Variants in CFI observed in about 807,000 individuals in gnomAD.
CFI encodes the protein C3B/C4B inactivator.
In CFI, 66 loss-of-function variants were observed where a neutral mutation model predicts 78.8. The observed-to-expected ratio is 0.84, with a 90% CI of 0.69 to 1.03. The LOEUF (loss-of-function observed/expected upper bound fraction) is 1.03. Ranked by LOEUF, CFI falls within the 50% of genes least tolerant of loss-of-function variation. The pLI is 0.00. For missense variants in CFI, 706 were observed against 704.5 expected, an observed-to-expected ratio of 1.00 and a Z score of -0.02; for synonymous variants, 250 against 232.6, an observed-to-expected ratio of 1.07 and a Z score of -0.68.
chr4:109,777,723 T>C (rs542441966), intron 1 of CFI, among the ~76,000 whole-genome samples: 1 of 152,280 alleles, frequency 6.6e-6, no homozygotes, highest in East Asian at 1.9e-4. Context: ...ACTGACCACA[T>C]AGTTGGAAGT....
downstream of CFI, among the ~76,000 whole-genome samples, chr4:109,738,630 C>A (rs1420516959): frequency 6.6e-6 from 1 of 152,150 alleles, no homozygotes; most frequent in Non-Finnish European, 1.5e-5. Context: ...GAAGGCCATG[C>A]AGGTTCTGCA....
the CFI span, among the ~76,000 whole-genome samples, chr4:109,731,215 G>A: frequency 2.0e-5 from 3 of 152,094 alleles, no homozygotes; most frequent in African/African-American, 7.2e-5. Context: ...GCGTGGTGGC[G>A]GGCACCTGTA....
intron 6 of CFI, among the ~76,000 whole-genome samples, chr4:109,759,320 A>G (rs1031410609): frequency 6.6e-6 from 1 of 152,060 alleles, no homozygotes; most frequent in African/African-American, 2.4e-5. Flanking sequence ...ATAACTCTTG[A>G]TGAATAAAGA....
At chr4:109,761,775 G>A in intron 3 of CFI, 83 bp from the exon 4 acceptor site, 1 of 1,136,806 alleles carries the variant, frequency 8.8e-7, no homozygotes, top group Non-Finnish European at 1.3e-6. Context: ...TAAGAAACTA[G>A]AGTAATGTCC....
rs199761393 is a variant in CFI at position 109,768,989 on chromosome 4, T to A, written c.58-2165A>T. ...AAATATGCCAGTTACGCACTTTTCATGGTTCCACGTATCTCTTTTTGGCAC... is the reference window on the plus strand; with the variant it reads ...AAATATGCCAGTTACGCACTTTTCAAGGTTCCACGTATCTCTTTTTGGCAC... On this transcript the variant is annotated intron_variant, in intron 1 of 12. Coordinates refer to ENST00000394634, the MANE Select transcript of CFI (RefSeq NM_000204.5). 5.5e-3 allele frequency among the ~76,000 whole-genome samples: 836 copies of A among 152,276 alleles called. 4 individuals are homozygous for A. The highest frequency in any genetic ancestry group is 9.0e-3 in the Non-Finnish European group (615 of 68,022).
At chr4:109,756,949 GAAAGAAAGAAA>G (rs1726343410) in intron 7 of CFI, among the ~76,000 whole-genome samples, 1 of 142,542 alleles carries the variant, frequency 7.0e-6, no homozygotes, top group Non-Finnish European at 1.5e-5. Flanking sequence ...AAGAAAGAAA[GAAAGAAAGAAA>G]GAAAGAAAGA....
At chr4:109,746,168 T>C in intron 11 of CFI, 54 bp downstream of exon 11, 5 of 1,589,764 alleles carry the variant, frequency 3.1e-6, no homozygotes, top group Non-Finnish European at 4.3e-6. Flanking sequence ...TACATTTCTA[T>C]TCTCTTTCAT....
At chr4:109,767,636 G>T (rs892204459) in intron 1 of CFI, among the ~76,000 whole-genome samples, 3 of 150,184 alleles carry the variant, frequency 2.0e-5, no homozygotes, top group African/African-American at 7.3e-5. Context: ...GAAATAACAG[G>T]TGCTGGAGAG....
At chr4:109,752,775 A>G (rs889456812) in intron 7 of CFI, among the ~76,000 whole-genome samples, 2 of 148,910 alleles carry the variant, frequency 1.3e-5, no homozygotes, top group African/African-American at 2.5e-5. Flanking sequence ...TCATGGTGTC[A>G]CAGTTTCCAG....
At chr4:109,749,627 C>A in intron 8 of CFI, 25 bp from the exon 9 acceptor site, 5 of 1,446,124 alleles carry the variant, frequency 3.5e-6, no homozygotes, top group Non-Finnish European at 4.9e-6. Flanking sequence ...GAGATTACAT[C>A]ATTATTATCT....
In CFI at chr4:109,752,764, C is replaced by T. The variant is rs370066674; in HGVS notation, c.905-261G>A. ...CTGTTGGTACTAGTGAATGTTGAGA[C>T]TCATGGTGTCACAGTTTCCAGTAGT... On this transcript the variant is annotated intron_variant, in intron 7 of 12. Coordinates refer to ENST00000394634, the MANE Select transcript of CFI (RefSeq NM_000204.5). Among the ~76,000 whole-genome samples, 16 of 149,236 alleles carry T rather than the reference C, an allele frequency of 1.1e-4. No individual in the cohort carries two copies. In the East Asian group the frequency reaches 1.5e-3, roughly 14 times the overall value.
At chr4:109,768,736 C>A (rs968993487) in intron 1 of CFI, among the ~76,000 whole-genome samples, 4 of 152,180 alleles carry the variant, frequency 2.6e-5, no homozygotes, top group African/African-American at 9.7e-5. Context: ...CCTCAGTGCC[C>A]TGTAGCTGTG....
the CFI span, among the ~76,000 whole-genome samples, chr4:109,733,306 C>T: frequency 6.6e-6 from 1 of 152,228 alleles, no homozygotes; most frequent in African/African-American, 2.4e-5. Context: ...CCACTTCCAT[C>T]TTTTCTTCCC....
chr4:109,763,886 T>C (rs1004360079), intron 3 of CFI, among the ~76,000 whole-genome samples: 8 of 150,946 alleles, frequency 5.3e-5, no homozygotes, highest in African/African-American at 1.9e-4. Context: ...TAAAGAAAAC[T>C]TCTAAATTAC....
At chr4:109,778,675 C>CA (rs1002787001) in intron 1 of CFI, among the ~76,000 whole-genome samples, 12 of 151,236 alleles carry the variant, frequency 7.9e-5, no homozygotes, top group South Asian at 2.1e-4. Flanking sequence ...AGAGACACAA[C>CA]AAAAAAAAAG....
At chr4:109,771,086 T>G (rs1022887555) in intron 1 of CFI, among the ~76,000 whole-genome samples, 2 of 151,874 alleles carry the variant, frequency 1.3e-5, no homozygotes, top group Non-Finnish European at 2.9e-5. Flanking sequence ...TCCTTATGCT[T>G]TCAGTAGGGA....
chr4:109,766,566 A>C lies in CFI; in HGVS notation c.316T>G (p.Cys106Gly). The change falls in exon 2 of 13, where the codon TGC (cysteine) becomes GGC (glycine). Residue 106 changes from cysteine to glycine, a missense_variant. By Grantham distance (159) the Cys-to-Gly change is radical. Coordinates refer to ENST00000394634, the MANE Select transcript of CFI (RefSeq NM_000204.5). Reference protein sequence around the residue: ...PGTKFLNNGTCTAEGKFSVSL... With the variant: ...PGTKFLNNGTGTAEGKFSVSL... Reference sequence around the variant, plus strand: ...AGTCTCTTGCTACCTTCGGCTGTGCATGTTCCGTTATTTAAAAACTTTGTC... The same window carrying C: ...AGTCTCTTGCTACCTTCGGCTGTGCCTGTTCCGTTATTTAAAAACTTTGTC... 1 of 1,614,190 alleles carries C rather than the reference A, an allele frequency of 6.2e-7. No homozygotes were observed. The highest frequency in any genetic ancestry group is 8.5e-7 in the Non-Finnish European group (1 of 1,180,022).
In CFI at chr4:109,740,827, C is replaced by A. The variant is rs765263923; in HGVS notation, c.*66G>T. On this transcript the variant is annotated 3_prime_UTR_variant, in exon 13 of 13. Transcript: ENST00000394634. ...CCCCCTAGAGAATTATTAATTATAC[C>A]GTTTTATTTCCATTAAATGGAACTC... The A allele has an allele frequency of 3.6e-6, 5 of 1,405,660 alleles. No individual in the cohort carries two copies. The highest frequency in any genetic ancestry group is 2.8e-5 in the African/African-American group (2 of 70,442). 87.1% of individuals were successfully genotyped at this position (1,405,660 alleles called of 1,614,324 possible).
intron 6 of CFI, among the ~76,000 whole-genome samples, chr4:109,759,891 C>T (rs1726809607): frequency 6.6e-6 from 1 of 151,542 alleles, no homozygotes; most frequent in Non-Finnish European, 1.5e-5. Context: ...AAGACTTCAT[C>T]ACAAAAAAAG....
Sources: gnomAD v4.1 joint callset for allele counts (sites outside exome capture counted in the v4.1 genomes callset) on GRCh38, gnomAD v4.1.1 for gene constraint, MANE v1.5 for transcripts, NCBI Gene and HGNC (gene_info 2026-07-23, HGNC 2026-07-21) for gene names.